MICU2: variants seen among roughly 807,000 people sequenced by gnomAD.
The protein encoded by MICU2 is mitochondrial calcium uptake 2.
A neutral mutation model predicts 60.4 loss-of-function variants in MICU2; 64 were observed. The observed-to-expected ratio is 1.06, with a 90% CI of 0.87 to 1.31. The LOEUF is 1.31. MICU2 is among the 50% of genes most tolerant of loss of function. The pLI is 0.00. For missense variants in MICU2, 569 were observed against 531.0 expected, an observed-to-expected ratio of 1.07 and a Z score of -0.70; for synonymous variants, 201 against 175.0, an observed-to-expected ratio of 1.15 and a Z score of -1.17.
intron 1 of MICU2, among the ~76,000 whole-genome samples, chr13:21,583,765 G>T (rs1888399426): frequency 1.3e-5 from 2 of 152,212 alleles, no homozygotes; most frequent in African/African-American, 4.8e-5. Context: ...GACTGGGCCT[G>T]AATGGAGGCA....
chr13:21,498,874 C>G (rs947902305), intron 9 of MICU2, among the ~76,000 whole-genome samples: 1 of 151,716 alleles, frequency 6.6e-6, no homozygotes, highest in African/African-American at 2.4e-5. Flanking sequence ...CTGCTTCTAT[C>G]ATGACCTCGA....
At chr13:21,575,305 C>T (rs1403189031) in intron 1 of MICU2, among the ~76,000 whole-genome samples, 1 of 151,870 alleles carries the variant, frequency 6.6e-6, no homozygotes, top group Non-Finnish European at 1.5e-5. Flanking sequence ...GATTAAATAA[C>T]TGAACGGAAT....
At chr13:21,506,960 T>C (rs1886304818) in intron 8 of MICU2, among the ~76,000 whole-genome samples, 1 of 152,234 alleles carries the variant, frequency 6.6e-6, no homozygotes, top group Admixed American at 6.5e-5. Flanking sequence ...ATTTGGCTAG[T>C]ACGTTAGTGC....
chr13:21,545,487 C>T (rs1018380622), intron 2 of MICU2, among the ~76,000 whole-genome samples: 5 of 152,136 alleles, frequency 3.3e-5, no homozygotes, highest in Non-Finnish European at 7.4e-5. Context: ...TCGAGACCAG[C>T]CTGACCAGCG....
rs777432855 is a variant in MICU2, at chr13:21,536,485, G to A, written c.466+2817C>T. Among the ~76,000 whole-genome samples, 75 of 151,958 alleles carry A rather than the reference G, an allele frequency of 4.9e-4. No individual in the cohort carries two copies. In the Middle Eastern group the frequency reaches 0.027, roughly 55 times the overall value. The stretch of plus-strand genomic sequence containing the variant: ...TGGGACTACAGGTGTGCATCACCAC[G>A]CCTGGCTAATTTTTCTTTTACATTA... On this transcript the variant is annotated intron_variant, in intron 4 of 11. Coordinates refer to ENST00000382374, the MANE Select transcript of MICU2 (RefSeq NM_152726.3).
intron 4 of MICU2, among the ~76,000 whole-genome samples, chr13:21,526,638 G>T (rs1266246638): frequency 6.6e-6 from 1 of 152,116 alleles, no homozygotes; most frequent in African/African-American, 2.4e-5. Context: ...GAGTTTAGAT[G>T]ATCAAAGATG....
At chr13:21,587,922 G>A (rs1320102606) in intron 1 of MICU2, among the ~76,000 whole-genome samples, 2 of 152,170 alleles carry the variant, frequency 1.3e-5, no homozygotes, top group Admixed American at 6.5e-5. Context: ...TAGATTCAAA[G>A]AAGTCAGACT....
At position 21,580,316 on chromosome 13, in the gene MICU2, G is replaced by A. The variant is rs1593355002; in HGVS notation, c.211-13372C>T. On this transcript the variant is annotated intron_variant, in intron 1 of 11. Coordinates refer to ENST00000382374, the MANE Select transcript of MICU2 (RefSeq NM_152726.3). ...CCCCAAGAATTTTGGAATCTTATAT[G>A]AGAAACAAAACCAGTGAAAACTTGT... Among the ~76,000 whole-genome samples the A allele has an allele frequency of 2.0e-5, 3 of 152,302 alleles. No homozygotes were observed. The Middle Eastern group carries it at 0.01, about 518-fold the overall frequency.
At chr13:21,544,532 A>AAAAAAAAAAAAAAAAAAAAAAAAC in intron 2 of MICU2, among the ~76,000 whole-genome samples, 1 of 132,510 alleles carries the variant, frequency 7.5e-6, no homozygotes, top group Non-Finnish European at 1.6e-5. Flanking sequence ...AAAAAAAAAA[A>AAAAAAAAAAAAAAAAAAAAAAAAC]AACTCAATAC....
At chr13:21,561,747 G>T in intron 2 of MICU2, among the ~76,000 whole-genome samples, 1 of 137,942 alleles carries the variant, frequency 7.2e-6, no homozygotes, top group Non-Finnish European at 1.6e-5. Context: ...TAAGTTTTAG[G>T]GTACATGTGC....
At chr13:21,565,900 C>T (rs1214503222) in intron 2 of MICU2, among the ~76,000 whole-genome samples, 1 of 152,198 alleles carries the variant, frequency 6.6e-6, no homozygotes. Flanking sequence ...CCTTCAATGC[C>T]ATTCATCCCT....
At chr13:21,594,945 A>T (rs534078588) in intron 1 of MICU2, among the ~76,000 whole-genome samples, 49 of 152,324 alleles carry the variant, frequency 3.2e-4, no homozygotes, top group African/African-American at 9.1e-4. Context: ...ACCATGGCAC[A>T]CATATACCGA....
At chr13:21,522,577 T>G in intron 5 of MICU2, 26 bp downstream of exon 5, 1 of 1,565,562 alleles carries the variant, frequency 6.4e-7, no homozygotes, top group Non-Finnish European at 8.7e-7. Context: ...CCACATGATC[T>G]CTGAGAAAAA....
At chr13:21,586,460 T>C (rs1186093735) in intron 1 of MICU2, among the ~76,000 whole-genome samples, 1 of 152,214 alleles carries the variant, frequency 6.6e-6, no homozygotes, top group Non-Finnish European at 1.5e-5. Flanking sequence ...TAGGCTAGAA[T>C]GTAACGGTGT....
rs184831064 is a variant in MICU2, at chr13:21,493,145, C to A, written c.*104G>T. ...AAGTACAAGACATGCTTATTTCACACAGAATATCAATGAAGACTTAAGAAG... is the reference window on the plus strand; with the variant it reads ...AAGTACAAGACATGCTTATTTCACAAAGAATATCAATGAAGACTTAAGAAG... On this transcript the variant is annotated 3_prime_UTR_variant, in exon 12 of 12. Coordinates refer to ENST00000382374, the MANE Select transcript of MICU2 (RefSeq NM_152726.3). 282 of 606,886 alleles carry A rather than the reference C, an allele frequency of 4.6e-4. 2 individuals carry two copies. Among genetic ancestry groups the A allele is most frequent in the Middle Eastern group, 1.9e-3 (4 of 2,132 alleles). The allele number at this position is 606,886 out of a possible 1,614,324, so 37.6% of individuals were successfully genotyped here.
At chr13:21,586,796 T>G (rs1375933532) in intron 1 of MICU2, among the ~76,000 whole-genome samples, 1 of 152,232 alleles carries the variant, frequency 6.6e-6, no homozygotes, top group Non-Finnish European at 1.5e-5. Context: ...AATTCTAACT[T>G]GCGCAGCATT....
At chr13:21,532,103 G>A (rs573116032) in intron 4 of MICU2, among the ~76,000 whole-genome samples, 6 of 152,248 alleles carry the variant, frequency 3.9e-5, no homozygotes, top group Admixed American at 2.0e-4. Flanking sequence ...GCCCCTATAC[G>A]TAGAGGGCGA....
chr13:21,587,809 T>C (rs1566170164), intron 1 of MICU2, among the ~76,000 whole-genome samples: 1 of 152,190 alleles, frequency 6.6e-6, no homozygotes, highest in African/African-American at 2.4e-5. Context: ...AATAGTTAGG[T>C]ATAAGTACTT....
chr13:21,603,874 C>T, intron 1 of MICU2, 65 bp downstream of exon 1: 1 of 1,570,098 alleles, frequency 6.4e-7, no homozygotes, highest in Non-Finnish European at 8.7e-7. Flanking sequence ...AAACCACTCC[C>T]CGCCTAAGGG....
Sources: allele counts gnomAD v4.1 joint callset (sites outside exome capture counted in the v4.1 genomes callset), GRCh38; gene constraint gnomAD v4.1.1; transcripts MANE v1.5; gene names NCBI Gene and HGNC (gene_info 2026-07-23, HGNC 2026-07-21).